The following ARHGEF10 variants were observed in gnomAD, a reference collection of about 807,000 sequenced individuals.
ARHGEF10 encodes Rho guanine nucleotide exchange factor (GEF) 10.
In ARHGEF10, 140 loss-of-function variants were observed where a neutral mutation model predicts 147.4. The ratio of observed to expected loss-of-function variants is 0.95; its 90% CI spans 0.83 to 1.09. The LOEUF (loss-of-function observed/expected upper bound fraction) is 1.09, where lower values mean the gene tolerates loss of function less well. ARHGEF10 is among the 50% of genes least tolerant of loss of function. The probability of loss-of-function intolerance (pLI) is 0.00; values close to 1 mark genes in which losing one functional copy is unlikely to be tolerated. For synonymous variants in ARHGEF10, 902 were observed against 695.8 expected, an observed-to-expected ratio of 1.30 and a Z score of -4.67; for missense variants, 2,222 against 1,752.7, an observed-to-expected ratio of 1.27 and a Z score of -4.78.
At chr8:1,891,946 A>G (rs921212742) in intron 11 of ARHGEF10, among the ~76,000 whole-genome samples, 2 of 149,832 alleles carry the variant, frequency 1.3e-5, no homozygotes, top group African/African-American at 4.9e-5. Context: ...ATATACATAC[A>G]TAATATATAT....
intron 7 of ARHGEF10, among the ~76,000 whole-genome samples, chr8:1,873,187 C>T (rs997590350): frequency 3.9e-5 from 6 of 152,306 alleles, no homozygotes; most frequent in Admixed American, 3.9e-4. Context: ...GAAACTCACG[C>T]CGCCGCAGGA....
At chr8:1,956,016 G>T (rs1274107368) in intron 28 of ARHGEF10, among the ~76,000 whole-genome samples, 1 of 152,236 alleles carries the variant, frequency 6.6e-6, no homozygotes, top group African/African-American at 2.4e-5. Flanking sequence ...TAGGATGATG[G>T]TGAGGGCTGG....
chr8:1,824,250 G>A (rs959666377), intron 1 of ARHGEF10, 137 bp downstream of exon 1: 1 of 152,124 alleles, frequency 6.6e-6, no homozygotes, highest in African/African-American at 2.4e-5. Context: ...CTGCGCAGAT[G>A]TTTCAGGGAA....
rs938399513 is a variant in ARHGEF10, at chr8:1,836,529, C to T, written c.-47-6824C>T. Among the ~76,000 whole-genome samples, 10 of 152,120 alleles carry T rather than the reference C, an allele frequency of 6.6e-5. No homozygotes were observed. The East Asian group carries it at 9.7e-4, about 15-fold the overall frequency. On this transcript the variant is annotated intron_variant, in intron 1 of 28. Coordinates refer to ENST00000349830, the MANE Select transcript of ARHGEF10 (RefSeq NM_014629.4). ...ACACAGAAGACAGGCTCTAGACCCC[C>T]GGGCTTCAGGGGGTGGGATGTTTTG...
At chr8:1,916,343 G>T (rs1811761017) in intron 18 of ARHGEF10, among the ~76,000 whole-genome samples, 1 of 152,232 alleles carries the variant, frequency 6.6e-6, no homozygotes, top group Non-Finnish European at 1.5e-5. Flanking sequence ...TTAATATTAT[G>T]TTCTGGGTTT....
At chr8:1,833,706 T>C (rs1803410559) in intron 1 of ARHGEF10, among the ~76,000 whole-genome samples, 1 of 152,208 alleles carries the variant, frequency 6.6e-6, no homozygotes. Context: ...CCGGCCCAGC[T>C]TGTTTCCTGA....
chr8:1,887,826 G>T (rs893310491), intron 11 of ARHGEF10, among the ~76,000 whole-genome samples: 10 of 145,876 alleles, frequency 6.9e-5, no homozygotes, highest in African/African-American at 2.3e-4. Flanking sequence ...GAGGAGAGGT[G>T]AAAGTTCTGA....
intron 1 of ARHGEF10, among the ~76,000 whole-genome samples, chr8:1,836,702 G>C (rs1803604775): frequency 6.6e-6 from 1 of 152,252 alleles, no homozygotes; most frequent in South Asian, 2.1e-4. Context: ...CGTGGTTTCT[G>C]TGTCAGCCCC....
intron 8 of ARHGEF10, among the ~76,000 whole-genome samples, chr8:1,879,564 T>A (rs1239686745): frequency 6.6e-6 from 1 of 151,658 alleles, no homozygotes; most frequent in Non-Finnish European, 1.5e-5. Flanking sequence ...TCTCTTTTTT[T>A]TTTTTGGAGA....
chr8:1,865,723 T>G (rs1364613761), intron 5 of ARHGEF10, among the ~76,000 whole-genome samples: 1 of 110,938 alleles, frequency 9.0e-6, no homozygotes, highest in Non-Finnish European at 2.0e-5. Context: ...ATCACGTGAT[T>G]CCGTTAGTGA....
At chr8:1,910,281 A>T (rs1017722647) in intron 18 of ARHGEF10, among the ~76,000 whole-genome samples, 1 of 152,176 alleles carries the variant, frequency 6.6e-6, no homozygotes, top group Non-Finnish European at 1.5e-5. Context: ...ACCACGTGAG[A>T]ACGTTTAACC....
At chr8:1,823,620 G>C (rs928982062), upstream of ARHGEF10, among the ~76,000 whole-genome samples, 3 of 151,854 alleles carry the variant, frequency 2.0e-5, no homozygotes, top group African/African-American at 7.2e-5. Context: ...CAGATGTTGG[G>C]GGCGGGGAGG....
intron 7 of ARHGEF10, 105 bp downstream of exon 7, chr8:1,869,355 C>A: frequency 1.0e-6 from 1 of 979,598 alleles, no homozygotes; most frequent in South Asian, 1.3e-5. Context: ...TTTCTGTATT[C>A]ATGTTTTGTA....
At chr8:1,840,010 C>T (rs1267425910) in intron 1 of ARHGEF10, among the ~76,000 whole-genome samples, 1 of 146,780 alleles carries the variant, frequency 6.8e-6, no homozygotes, top group African/African-American at 2.6e-5. Context: ...GGTGTGGAAG[C>T]TGTCCGATAT....
At chr8:1,933,195 G>C (rs1007710564) in intron 25 of ARHGEF10, among the ~76,000 whole-genome samples, 2 of 152,172 alleles carry the variant, frequency 1.3e-5, no homozygotes, top group Admixed American at 1.3e-4. Context: ...CCTCAATTTT[G>C]ATTTCTTAAA....
chr8:1,896,123 A>C (rs1809950843), intron 13 of ARHGEF10, among the ~76,000 whole-genome samples: 1 of 152,218 alleles, frequency 6.6e-6, no homozygotes, highest in South Asian at 2.1e-4. Context: ...AGTGCTCTGG[A>C]GTCAAAAAAT....
intron 16 of ARHGEF10, among the ~76,000 whole-genome samples, chr8:1,905,198 T>A (rs978964621): frequency 6.6e-6 from 1 of 152,178 alleles, no homozygotes; most frequent in Non-Finnish European, 1.5e-5. Context: ...ATACAAAGCG[T>A]CTTTCTGAAG....
intron 7 of ARHGEF10, among the ~76,000 whole-genome samples, chr8:1,873,133 C>T (rs1409141678): frequency 6.6e-6 from 1 of 152,108 alleles, no homozygotes; most frequent in Non-Finnish European, 1.5e-5. Context: ...GTTAATGGAC[C>T]GGCCATCCAT....
chr8:1,942,643 A>G (rs901278657), intron 26 of ARHGEF10, among the ~76,000 whole-genome samples: 2 of 152,168 alleles, frequency 1.3e-5, no homozygotes, highest in African/African-American at 4.8e-5. Flanking sequence ...GACACGAATT[A>G]TCATAGCAGT....
Sources: allele counts gnomAD v4.1 joint callset (sites outside exome capture counted in the v4.1 genomes callset), GRCh38; gene constraint gnomAD v4.1.1; transcripts MANE v1.5; gene names NCBI Gene and HGNC (gene_info 2026-07-23, HGNC 2026-07-21).